Variants in FCHO1 observed in about 807,000 individuals in gnomAD.
FCHO1 encodes FCH and mu domain containing endocytic adaptor 1, also known as F-BAR domain only protein 1.
A neutral mutation model predicts 114.4 loss-of-function variants in FCHO1; 45 were observed. The observed-to-expected ratio is 0.39, with a 90% CI of 0.31 to 0.50. FCHO1 has a LOEUF of 0.50. FCHO1 is among the 20% of genes least tolerant of loss of function. The probability of loss-of-function intolerance (pLI) is 0.77; values close to 1 mark genes in which losing one functional copy is unlikely to be tolerated. For missense variants in FCHO1, 1,042 were observed against 1,209.6 expected (o/e 0.86, Z 2.06); for synonymous variants, 480 against 488.9 (o/e 0.98, Z 0.24).
intron 4 of FCHO1, among the ~76,000 whole-genome samples, chr19:17,759,654 C>G (rs1042262763): frequency 6.6e-6 from 1 of 151,870 alleles, no homozygotes; most frequent in Middle Eastern, 3.4e-3. Flanking sequence ...TGTATGAGGC[C>G]GGGCGTGGTG....
rs1340988966 is a variant in FCHO1, at chr19:17,787,866, C to T, written c.2647+20C>T. 1.2e-6 allele frequency: 2 copies of T among 1,607,036 alleles called. No homozygotes were observed. The highest frequency in any genetic ancestry group is 4.5e-5 in the East Asian group (2 of 44,686). On this transcript the variant is annotated intron_variant, in intron 28 of 28. Transcript: ENST00000596536. ...CCACAGGTACTCCCCAACCCTGCTG[C>T]TGGGTGACCTCAGGAGCCGAGATCT...
chr19:17,771,383 A>G (rs1368644014), intron 9 of FCHO1, among the ~76,000 whole-genome samples: 2 of 151,092 alleles, frequency 1.3e-5, no homozygotes, highest in African/African-American at 4.8e-5. Context: ...AAAGAAAAGA[A>G]AAAGGCTGGG....
Position 17,784,037 on chromosome 19 carries a change from T to C in FCHO1, c.2094-66T>C. The C allele has an allele frequency of 6.4e-7, 1 of 1,565,104 alleles. No homozygotes were observed. The highest frequency in any genetic ancestry group is 2.3e-5 in the East Asian group (1 of 43,900). Reference sequence around the variant, plus strand: ...AATTGCATCTTTAGGAAGGGGTAGATTGAATGCTGGGAGCCCTGGGAGGGC... The same window carrying C: ...AATTGCATCTTTAGGAAGGGGTAGACTGAATGCTGGGAGCCCTGGGAGGGC... On this transcript the variant is annotated intron_variant, in intron 24 of 28. Transcript: ENST00000596536. The surrounding 1 kb of genome is among the most constrained non-coding windows in gnomAD (Gnocchi z 5.3).
In FCHO1 at chr19:17,778,730, C is replaced by T; in HGVS notation, c.1473C>T (p.Ser491=). 6.5e-7 allele frequency: 1 copy of T among 1,541,728 alleles called. No individual in the cohort carries two copies. The highest frequency in any genetic ancestry group is 8.7e-7 in the Non-Finnish European group (1 of 1,148,418). ...SHAAPGPSPD[S]WVPRPGTPQS... ...CGGCACCTGGCCCCTCCCCAGATTC[C>T]TGGGTCCCCCGCCCAGGCACCCCGC... The change falls in exon 20 of 29, where the codon TCC becomes TCT. Residue 491 remains serine, a synonymous_variant. Transcript: ENST00000596536.
chr19:17,765,142 GCCCGACC>G (rs2088336594), intron 6 of FCHO1, among the ~76,000 whole-genome samples: 1 of 152,016 alleles, frequency 6.6e-6, no homozygotes, highest in Non-Finnish European at 1.5e-5. Context: ...TCTGGGGTGG[GCCCGACC>G]TCCCTGAACT....
Position 17,784,367 on chromosome 19 carries a change from A to C in FCHO1, c.2226+132A>C. 1 of 1,151,806 alleles carries C rather than the reference A, an allele frequency of 8.7e-7. No homozygotes were observed. The highest frequency in any genetic ancestry group is 1.5e-5 in the South Asian group (1 of 66,626). 71.3% of individuals were successfully genotyped at this position (1,151,806 alleles called of 1,614,324 possible). A position where few individuals can be genotyped will look rare whatever the true frequency, so the allele number is the denominator to read the frequency against. On this transcript the variant is annotated intron_variant, in intron 25 of 28. Transcript: ENST00000596536. This position sits in a 1 kb window ranked among gnomAD's most constrained non-coding sequence, Gnocchi z 5.3. ...CTGACCTCAAGAGATCCAATCTGTG[A>C]GAGCCGATGAGCTGGAGGGAGTAGG... is the stretch of plus-strand genomic sequence containing the variant.
rs780301440 is a variant in FCHO1, at chr19:17,786,649, G to A, written c.2482+20G>A. The A allele has an allele frequency of 3.2e-6, 5 of 1,586,148 alleles. No homozygotes were observed. In the African/African-American group the frequency reaches 5.4e-5, roughly 17 times the overall value. On this transcript the variant is annotated intron_variant, in intron 27 of 28. Coordinates refer to ENST00000596536, the MANE Select transcript of FCHO1 (RefSeq NM_015122.3). ...CAGGCGGTGAGCTGTGGTTGTGTAT[G>A]AGGGCTGGGTGGGAGGGACTGGGGT...
chr19:17,757,552 C>T (rs907676326), intron 4 of FCHO1, among the ~76,000 whole-genome samples: 5 of 152,206 alleles, frequency 3.3e-5, no homozygotes, highest in Non-Finnish European at 5.9e-5. Flanking sequence ...AAGTCACCAA[C>T]CCAAAGTGAC....
chr19:17,760,355 T>G (rs1210522655), intron 4 of FCHO1, among the ~76,000 whole-genome samples: 2 of 151,894 alleles, frequency 1.3e-5, no homozygotes, highest in South Asian at 2.1e-4. Context: ...CCGGCCTGAT[T>G]ACCATTTTTA....
intron 13 of FCHO1, 77 bp downstream of exon 13, chr19:17,774,555 C>G: frequency 8.3e-7 from 1 of 1,208,098 alleles, no homozygotes; most frequent in African/African-American, 1.5e-5. Context: ...CCCAGAAGTC[C>G]CCTCCTAGGA....
At position 17,756,655 on chromosome 19, in the gene FCHO1, C is replaced by T. The variant is rs540360777; in HGVS notation, c.27+1464C>T. 4.6e-5 allele frequency among the ~76,000 whole-genome samples: 7 copies of T among 152,298 alleles called. No individual in the cohort carries two copies. The South Asian group carries it at 1.5e-3, about 32-fold the overall frequency. ...GATGAAATTCCTGCACCGCCACTCC[C>T]ACCCCATGCACCCCACACACCCCCA... is the stretch of plus-strand genomic sequence containing the variant. On this transcript the variant is annotated intron_variant, in intron 4 of 28. Transcript: ENST00000596536.
chr19:17,777,435 G>T (rs1269235107), intron 18 of FCHO1, among the ~76,000 whole-genome samples: 4 of 150,214 alleles, frequency 2.7e-5, no homozygotes, highest in Admixed American at 6.7e-5. Flanking sequence ...ATTCGAGAGG[G>T]TGAGGCAGGA....
rs555747346 is a variant in FCHO1 at position 17,767,600 on chromosome 19, G to A, written c.336+790G>A. ...AAAAAAAAACAAGAGAGAGAGATGG[G>A]TTATCACTGGTTTTTACATTATTAA... On this transcript the variant is annotated intron_variant, in intron 7 of 28. Transcript: ENST00000596536. Among the ~76,000 whole-genome samples, 65 of 151,232 alleles carry A rather than the reference G, an allele frequency of 4.3e-4. No homozygotes were observed. The South Asian group carries it at 0.012, about 28-fold the overall frequency.
Position 17,775,049 on chromosome 19 carries a change from T to C in FCHO1, c.921-7T>C. The stretch of plus-strand genomic sequence containing the variant: ...GCTGACACCAACATCTCTTCCTCCA[T>C]CCCCAGAGATTTCCTGGAGCCCGAT... On this transcript the variant is annotated splice_region_variant and splice_polypyrimidine_tract_variant and intron_variant, in intron 13 of 28. Transcript: ENST00000596536. This position sits in a 1 kb window ranked among gnomAD's most constrained non-coding sequence, Gnocchi z 5.1. The C allele has an allele frequency of 6.2e-7, 1 of 1,613,232 alleles. No homozygotes were observed. Among genetic ancestry groups the C allele is most frequent in the African/African-American group, 1.3e-5 (1 of 74,910 alleles).
rs1426773668 is a variant in FCHO1, at chr19:17,776,188, T to C, written c.1182+27T>C. ...TGAGGCGTGGGAGGGGTGCCCTGGG[T>C]GTTGCTAGAGAGGCTGGCTGGATGC... On this transcript the variant is annotated intron_variant, in intron 16 of 28. Transcript: ENST00000596536. The surrounding 1 kb of genome is among the most constrained non-coding windows in gnomAD (Gnocchi z 4.4). The C allele has an allele frequency of 1.2e-6, 2 of 1,613,898 alleles. No homozygotes were observed.
chr19:17,755,178 G>A lies in FCHO1; in HGVS notation c.14G>A (p.Gly5Glu). 6.2e-7 allele frequency: 1 copy of A among 1,611,152 alleles called. No individual in the cohort carries two copies. Among genetic ancestry groups the A allele is most frequent in the East Asian group, 2.2e-5 (1 of 44,762 alleles). MSYF[G>E]EHFWGEKNHG... ...GAGACCATCAGGATGTCGTATTTTG[G>A]GGAGCATTTTTGGGTAAGACCCACT... The change falls in exon 4 of 29, where the codon GGG becomes GAG. Residue 5 changes from glycine to glutamate, a missense_variant. Gly to Glu is a moderately conservative substitution (Grantham distance 98). Coordinates refer to ENST00000596536, the MANE Select transcript of FCHO1 (RefSeq NM_015122.3).
chr19:17,755,476 T>A, intron 4 of FCHO1: 1 of 307,422 alleles, frequency 3.3e-6, no homozygotes, highest in Middle Eastern at 9.4e-4. Flanking sequence ...AAGTGCAGAG[T>A]CAGTGCTCAA....
rs2081971469 is a variant in FCHO1, at chr19:17,751,570, C to G, written c.-190C>G. ...ACAGGGGCCCCATCCCACTCGCTACCCTGTCCGGTGAGTTTGAGCCCTGGC... is the reference window on the plus strand; with the variant it reads ...ACAGGGGCCCCATCCCACTCGCTACGCTGTCCGGTGAGTTTGAGCCCTGGC... On this transcript the variant is annotated 5_prime_UTR_variant, in exon 1 of 29. Transcript: ENST00000596536. This position sits in a 1 kb window ranked among gnomAD's most constrained non-coding sequence, Gnocchi z 4.4. The G allele has an allele frequency of 6.6e-6, 1 of 152,476 alleles. No individual in the cohort carries two copies. The highest frequency in any genetic ancestry group is 2.4e-5 in the African/African-American group (1 of 41,462). The allele number at this position is 152,476 out of a possible 1,614,324, so 9.4% of individuals were successfully genotyped here. A position where few individuals can be genotyped will look rare whatever the true frequency, so the allele number is the denominator to read the frequency against.
chr19:17,786,872 C>G (rs1031187109), intron 27 of FCHO1, among the ~76,000 whole-genome samples: 1 of 150,958 alleles, frequency 6.6e-6, no homozygotes, highest in Admixed American at 6.6e-5. Flanking sequence ...GACCCGTGAT[C>G]GTACCACTGC....
Sources: gnomAD v4.1 joint callset for allele counts (sites outside exome capture counted in the v4.1 genomes callset) on GRCh38, gnomAD v4.1.1 for gene constraint, Gnocchi (gnomAD v3.1) non-coding constraint, MANE v1.5 for transcripts, NCBI Gene and HGNC (gene_info 2026-07-23, HGNC 2026-07-21) for gene names.